ESR1: variants seen among roughly 807,000 people sequenced by gnomAD.
The protein encoded by ESR1 is estrogen receptor 1, also known as estrogen receptor.
Under a neutral mutation model 52.7 loss-of-function variants are expected in ESR1, and 12 were observed. The observed-to-expected ratio is 0.23, with a 90% CI of 0.15 to 0.37. ESR1 has a LOEUF of 0.37. Among genes scored for constraint, ESR1 ranks in the 10% least tolerant of loss-of-function variants. The pLI is 1.00. For synonymous variants in ESR1, 305 were observed against 316.8 expected, an observed-to-expected ratio of 0.96 and a Z score of 0.39; for missense variants, 584 against 779.7, an observed-to-expected ratio of 0.75 and a Z score of 2.99.
intron 1 of ESR1, among the ~76,000 whole-genome samples, chr6:151,677,579 A>G (rs1197202575): frequency 6.6e-6 from 1 of 152,168 alleles, no homozygotes; most frequent in African/African-American, 2.4e-5. Context: ...AAATCTTTTG[A>G]GTGATTACGC....
At position 152,099,556 on chromosome 6, in the gene ESR1, A is replaced by G. The variant is rs986659767; in HGVS notation, c.*590A>G. 4.1e-6 allele frequency: 1 copy of G among 241,410 alleles called. No individual in the cohort carries two copies. The highest frequency in any genetic ancestry group is 2.2e-5 in the African/African-American group (1 of 45,456). The allele number at this position is 241,410 out of a possible 1,614,324, so 15.0% of individuals were successfully genotyped here. On this transcript the variant is annotated 3_prime_UTR_variant, in exon 8 of 8. Coordinates refer to ENST00000206249, the MANE Select transcript of ESR1 (RefSeq NM_000125.4). ...GTGATTGTCAATTCATTCCCCCTAT[A>G]GGAATACAAGGGGCACACAGGGAAG...
At chr6:151,822,577 A>T (rs981330077) in intron 1 of ESR1, among the ~76,000 whole-genome samples, 1 of 152,200 alleles carries the variant, frequency 6.6e-6, no homozygotes, top group African/African-American at 2.4e-5. Flanking sequence ...ATCATTTTAA[A>T]TCTTCCCGAA....
At chr6:151,817,672 A>G (rs529652116) in intron 1 of ESR1, among the ~76,000 whole-genome samples, 1 of 152,358 alleles carries the variant, frequency 6.6e-6, no homozygotes, top group Non-Finnish European at 1.5e-5. Context: ...GATTTTTGAT[A>G]CCAGATATGA....
At chr6:152,073,778 C>G (rs983889840) in intron 6 of ESR1, among the ~76,000 whole-genome samples, 2 of 152,134 alleles carry the variant, frequency 1.3e-5, no homozygotes, top group African/African-American at 4.8e-5. Flanking sequence ...AACTGGCCGA[C>G]CTCAGGCAAG....
At chr6:151,980,306 G>C (rs1186548227) in intron 4 of ESR1, among the ~76,000 whole-genome samples, 1 of 152,150 alleles carries the variant, frequency 6.6e-6, no homozygotes, top group Non-Finnish European at 1.5e-5. Flanking sequence ...GCACTTGTTA[G>C]AGTGTCCAAA....
intron 1 of ESR1, among the ~76,000 whole-genome samples, chr6:151,670,004 G>T (rs1219951244): frequency 6.6e-6 from 1 of 152,068 alleles, no homozygotes; most frequent in Non-Finnish European, 1.5e-5. Flanking sequence ...TTGGAGGGAG[G>T]AAAAATGGCC....
Position 151,728,988 on chromosome 6 carries a change from T to C in ESR1, c.-71+26983T>C, listed in dbSNP as rs937572230. Among the ~76,000 whole-genome samples the C allele has an allele frequency of 3.9e-5, 6 of 152,328 alleles. No individual in the cohort carries two copies. The South Asian group carries it at 6.2e-4, about 16-fold the overall frequency. ...AAAATTATTAGTATGCCATGACACA[T>C]GAACACTTTTATATTCCACAACCAC... On this transcript the variant is annotated intron_variant, in intron 2 of 2. Transcript: ENST00000404742.
chr6:151,664,816 GCTTT>G (rs1777765317), intron 1 of ESR1, among the ~76,000 whole-genome samples: 1 of 152,088 alleles, frequency 6.6e-6, no homozygotes. Context: ...TGTTTTTCTT[GCTTT>G]CTTTTAAGCA....
chr6:151,749,463 G>T (rs570229460), intron 2 of ESR1, among the ~76,000 whole-genome samples: 1 of 152,194 alleles, frequency 6.6e-6, no homozygotes, highest in East Asian at 1.9e-4. Flanking sequence ...TGAAATATAC[G>T]ATGCATTATT....
At chr6:151,966,509 A>G (rs1309091684) in intron 4 of ESR1, among the ~76,000 whole-genome samples, 1 of 151,904 alleles carries the variant, frequency 6.6e-6, no homozygotes, top group Non-Finnish European at 1.5e-5. Flanking sequence ...TTTCTGATAG[A>G]TATAGCATTC....
chr6:152,019,087 T>G (rs755834023), intron 5 of ESR1, among the ~76,000 whole-genome samples: 19 of 152,190 alleles, frequency 1.2e-4, no homozygotes, highest in Non-Finnish European at 2.2e-4. Context: ...AATATGAAAC[T>G]GTAAGCTGTT....
intron 6 of ESR1, among the ~76,000 whole-genome samples, chr6:152,077,844 G>A (rs185672808): frequency 1.3e-3 from 197 of 152,314 alleles, no homozygotes; most frequent in African/African-American, 4.5e-3. Context: ...TATCTAAGAA[G>A]TAACTAGCTT....
Position 151,936,339 on chromosome 6 carries a change from G to C in ESR1, c.761-7834G>C, listed in dbSNP as rs190673571. The C allele has an allele frequency of 7.0e-4, 107 of 152,280 alleles. 1 individual carries two copies. Among genetic ancestry groups the C allele is most frequent in the African/African-American group, 2.5e-3 (104 of 41,562 alleles). 9.4% of individuals were successfully genotyped at this position (152,280 alleles called of 1,614,324 possible). ...GCCATGTAGGAGAAGTTGGGGGGTG[G>C]TAAATTGGGCACCCTTTATCTACTA... On this transcript the variant is annotated intron_variant, in intron 3 of 7. Coordinates refer to ENST00000206249, the MANE Select transcript of ESR1 (RefSeq NM_000125.4).
chr6:151,968,691 C>G (rs2038567346), intron 4 of ESR1, among the ~76,000 whole-genome samples: 1 of 152,018 alleles, frequency 6.6e-6, no homozygotes, highest in African/African-American at 2.4e-5. Flanking sequence ...GACTCCACTA[C>G]AGTTATGTGA....
At chr6:151,750,005 A>T (rs78828549) in intron 2 of ESR1, among the ~76,000 whole-genome samples, 6,093 of 152,288 alleles carry the variant, frequency 0.04, 426 homozygotes, top group African/African-American at 0.14. Context: ...CAGGTTTTAA[A>T]TACAAAAGGA....
chr6:151,710,377 G>A (rs1202545752), intron 2 of ESR1, among the ~76,000 whole-genome samples: 1 of 151,718 alleles, frequency 6.6e-6, no homozygotes, highest in Non-Finnish European at 1.5e-5. Context: ...AATGGCAGAT[G>A]AAATAGACTT....
At chr6:151,925,124 T>TTTTTTTTG (rs1554285731) in intron 3 of ESR1, among the ~76,000 whole-genome samples, 3 of 150,704 alleles carry the variant, frequency 2.0e-5, no homozygotes, top group Non-Finnish European at 3.0e-5. Context: ...CAGCATCTGG[T>TTTTTTTTG]TTTTTTTGTT....
intron 5 of ESR1, among the ~76,000 whole-genome samples, chr6:152,041,986 C>T (rs1237962593): frequency 1.3e-5 from 2 of 152,216 alleles, no homozygotes; most frequent in South Asian, 2.1e-4. Flanking sequence ...AATCCACTGT[C>T]ATTTTACAAG....
At chr6:151,717,057 A>T (rs1781100861) in intron 2 of ESR1, among the ~76,000 whole-genome samples, 1 of 152,098 alleles carries the variant, frequency 6.6e-6, no homozygotes, top group African/African-American at 2.4e-5. Flanking sequence ...TCTGGGCAGG[A>T]GTGCACCGTT....
Sources: gnomAD v4.1 joint callset for allele counts (sites outside exome capture counted in the v4.1 genomes callset) on GRCh38, gnomAD v4.1.1 for gene constraint, MANE v1.5 for transcripts, NCBI Gene and HGNC (gene_info 2026-07-23, HGNC 2026-07-21) for gene names.